The following TCF20 variants were observed in gnomAD, a reference collection of about 807,000 sequenced individuals.
TCF20 encodes transcription factor 20.
TCF20 carries 3 observed loss-of-function variants against 148.6 expected under a neutral mutation model. The ratio of observed to expected loss-of-function variants is 0.02; its 90% CI spans 0.01 to 0.05. TCF20 has a LOEUF of 0.05. Ranked by LOEUF, TCF20 falls within the 10% of genes least tolerant of loss-of-function variation. TCF20 has a pLI of 1.00. For missense variants in TCF20, 2,350 were observed against 2,429.3 expected (o/e 0.97, Z 0.69); for synonymous variants, 1,049 against 909.5 (o/e 1.15, Z -2.76).
In TCF20 at chr22:42,317,843, G is replaced by C. The variant is rs1409221087; in HGVS notation, c.-37+25636C>G. Among the ~76,000 whole-genome samples the C allele has an allele frequency of 6.6e-6, 1 of 152,196 alleles. No individual in the cohort carries two copies. The highest frequency in any genetic ancestry group is 1.5e-5 in the Non-Finnish European group (1 of 68,016). The stretch of plus-strand genomic sequence containing the variant: ...GCCCAATTAGGTAGCCAGCTTCAAA[G>C]GCACCCATGAGCCAGTAAGAGCCAG... On this transcript the variant is annotated intron_variant, in intron 1 of 1. Coordinates refer to the TCF20 transcript ENST00000515426. The surrounding 1 kb of genome is among the most constrained non-coding windows in gnomAD (Gnocchi z 4.2).
At chr22:42,263,905 G>C (rs1346456158) in intron 1 of TCF20, among the ~76,000 whole-genome samples, 5 of 152,158 alleles carry the variant, frequency 3.3e-5, no homozygotes, top group Non-Finnish European at 4.4e-5. Flanking sequence ...GATTCTGTCA[G>C]TATAAAGCCA....
intron 1 of TCF20, among the ~76,000 whole-genome samples, chr22:42,257,441 C>A (rs1925802181): frequency 6.6e-6 from 1 of 152,172 alleles, no homozygotes. Context: ...ATGGTGATCA[C>A]CTAAGAATAT....
upstream of TCF20, among the ~76,000 whole-genome samples, chr22:42,272,519 G>C (rs556286312): frequency 1.3e-5 from 2 of 152,130 alleles, no homozygotes; most frequent in African/African-American, 4.8e-5. Flanking sequence ...ACAATCTGTC[G>C]CAGAGCCTCA....
chr22:42,218,845 C>T (rs1262637687), intron 1 of TCF20, among the ~76,000 whole-genome samples: 1 of 151,936 alleles, frequency 6.6e-6, no homozygotes, highest in Non-Finnish European at 1.5e-5. Context: ...TGCAGATTCC[C>T]TGTCCTGTAT....
chr22:42,250,859 C>T (rs896466907), intron 1 of TCF20, among the ~76,000 whole-genome samples: 16 of 152,154 alleles, frequency 1.1e-4, no homozygotes, highest in Admixed American at 1.0e-3. Flanking sequence ...AGGAAGCTTC[C>T]AATCATGGCA....
chr22:42,241,950 C>A (rs1924440575), intron 1 of TCF20, among the ~76,000 whole-genome samples: 1 of 151,934 alleles, frequency 6.6e-6, no homozygotes, highest in African/African-American at 2.4e-5. Flanking sequence ...GCCATTTAAT[C>A]CCAGCACTTT....
At chr22:42,237,270 T>C (rs1244845234) in intron 1 of TCF20, among the ~76,000 whole-genome samples, 1 of 152,228 alleles carries the variant, frequency 6.6e-6, no homozygotes, top group African/African-American at 2.4e-5. Context: ...AGCATCTTCA[T>C]CAGGAGTAGA....
chr22:42,223,446 T>C (rs1317479883), intron 1 of TCF20, among the ~76,000 whole-genome samples: 1 of 152,218 alleles, frequency 6.6e-6, no homozygotes, highest in Admixed American at 6.5e-5. Flanking sequence ...AGATCTCTAA[T>C]AACTGTAGCT....
intron 1 of TCF20, among the ~76,000 whole-genome samples, chr22:42,323,901 G>GGTGGTGGTGGT (rs1569209661): frequency 2.3e-5 from 1 of 43,592 alleles, no homozygotes; most frequent in African/African-American, 7.4e-5. Context: ...TTATGGTGGT[G>GGTGGTGGTGGT]GAGGTGGTGG....
intron 1 of TCF20, among the ~76,000 whole-genome samples, chr22:42,243,310 A>ACAAAAAAAAAAAAAAAAAC (rs1397451361): frequency 2.8e-5 from 4 of 140,864 alleles, no homozygotes; most frequent in African/African-American, 1.2e-4. Flanking sequence ...AAAAAAAAAA[A>ACAAAAAAAAAAAAAAAAAC]AAAAAAAAAA....
chr22:42,238,108 A>G (rs1226567317), intron 1 of TCF20, among the ~76,000 whole-genome samples: 2 of 152,360 alleles, frequency 1.3e-5, no homozygotes, highest in Admixed American at 6.5e-5. Context: ...GCTACACTGA[A>G]TATCTGTTCA....
intron 1 of TCF20, among the ~76,000 whole-genome samples, chr22:42,266,532 A>G (rs1053468347): frequency 3.3e-5 from 5 of 152,208 alleles, no homozygotes; most frequent in African/African-American, 1.2e-4. Context: ...TGGGAGGCTG[A>G]GGCAGGCTGA....
chr22:42,211,164 G>A lies in TCF20; in HGVS notation c.4142C>T (p.Thr1381Met). ...NSAEAGGDTV[T>M]LDDILSLKSG... ...CTTCAAAGACAGTATATCATCAAGCGTAACCGTGTCTCCCCCAGCCTCCGC... is the reference window on the plus strand; with the variant it reads ...CTTCAAAGACAGTATATCATCAAGCATAACCGTGTCTCCCCCAGCCTCCGC... Residue 1381 changes from threonine (T) to methionine (M), a missense_variant, in exon 2 of 6, where the codon ACG becomes ATG. Thr to Met is a moderately conservative substitution (Grantham distance 81). Coordinates refer to ENST00000677622, the MANE Select transcript of TCF20 (RefSeq NM_001378418.1). 2.5e-6 allele frequency: 4 copies of A among 1,614,148 alleles called. No individual in the cohort carries two copies. The highest frequency in any genetic ancestry group is 3.4e-6 in the Non-Finnish European group (4 of 1,180,036).
In TCF20 at chr22:42,212,105, A is replaced by C; in HGVS notation, c.3201T>G (p.Thr1067=). The C allele has an allele frequency of 6.2e-7, 1 of 1,614,204 alleles. No individual in the cohort carries two copies. Among genetic ancestry groups the C allele is most frequent in the Non-Finnish European group, 8.5e-7 (1 of 1,180,038 alleles). ...ETLASAYHAN[T]RAHAYGDPNA... is the part of the protein sequence containing the mutation. ...TAGGGTCCCCATAAGCATGAGCCCGAGTATTTGCATGATAAGCAGAGGCCA... is the reference window on the plus strand; with the variant it reads ...TAGGGTCCCCATAAGCATGAGCCCGCGTATTTGCATGATAAGCAGAGGCCA... Residue 1067 remains threonine (T), a synonymous_variant, in exon 2 of 6, where the codon ACT becomes ACG. Coordinates refer to ENST00000677622, the MANE Select transcript of TCF20 (RefSeq NM_001378418.1).
chr22:42,276,133 G>A (rs1926773687), intron 1 of TCF20, among the ~76,000 whole-genome samples: 1 of 152,186 alleles, frequency 6.6e-6, no homozygotes, highest in Non-Finnish European at 1.5e-5. Context: ...CACATGCTGA[G>A]GCATGCTGGG....
chr22:42,178,129 G>A (rs1936554185), intron 3 of TCF20, among the ~76,000 whole-genome samples: 1 of 152,188 alleles, frequency 6.6e-6, no homozygotes, highest in South Asian at 2.1e-4. Flanking sequence ...TGCCTCAGGG[G>A]TGGTGCCCCT....
chr22:42,176,427 G>GCT (rs1301240999), intron 3 of TCF20, among the ~76,000 whole-genome samples: 1 of 152,192 alleles, frequency 6.6e-6, no homozygotes, highest in African/African-American at 2.4e-5. Flanking sequence ...TGTTGGCCCT[G>GCT]CTCTGTGTAT....
rs911694670 is a variant in TCF20, at chr22:42,168,698, C to T, written c.5838G>A (p.Lys1946=). 1 of 1,611,210 alleles carries T rather than the reference C, an allele frequency of 6.2e-7. No individual in the cohort carries two copies. Among genetic ancestry groups the T allele is most frequent in the Non-Finnish European group, 8.5e-7 (1 of 1,179,084 alleles). The change falls in exon 5 of 6, where the codon AAG becomes AAA. Residue 1946 remains lysine, a synonymous_variant. Transcript: ENST00000677622. ...CTGTGCTGAGGCTGCCTTTCGCGGT[C>T]TTGTTCTGCAAGGGGGGGAGAGGGC... ...LPCPLPPLQN[K]TAKGSLSTEQ... is the part of the protein sequence containing the mutation.
rs1390686451 is a variant in TCF20 at position 42,338,911 on chromosome 22, G to T, written c.-37+4568C>A. Among the ~76,000 whole-genome samples the T allele has an allele frequency of 1.3e-5, 2 of 152,168 alleles. No homozygotes were observed. Among genetic ancestry groups the T allele is most frequent in the African/African-American group, 4.8e-5 (2 of 41,434 alleles). On this transcript the variant is annotated intron_variant, in intron 1 of 1. Transcript: ENST00000515426. This position sits in a 1 kb window ranked among gnomAD's most constrained non-coding sequence, Gnocchi z 4.0. Reference sequence around the variant, plus strand: ...ATCACGGAGATCTAAGGATGGGGGTGAGCAGGGTGTCTGGTCCCATTTTTC... The same window carrying T: ...ATCACGGAGATCTAAGGATGGGGGTTAGCAGGGTGTCTGGTCCCATTTTTC...
Sources: gnomAD v4.1 joint callset for allele counts (sites outside exome capture counted in the v4.1 genomes callset) on GRCh38, gnomAD v4.1.1 for gene constraint, Gnocchi (gnomAD v3.1) non-coding constraint, MANE v1.5 for transcripts, NCBI Gene and HGNC (gene_info 2026-07-23, HGNC 2026-07-21) for gene names.